Variants in TMEM178B observed in about 807,000 individuals in gnomAD.
TMEM178B encodes the protein transmembrane protein 178B.
Under a neutral mutation model 31.0 loss-of-function variants are expected in TMEM178B, and 5 were observed. The observed-to-expected ratio is 0.16, with a 90% CI of 0.08 to 0.34. The LOEUF (loss-of-function observed/expected upper bound fraction) is 0.34. Ranked by LOEUF, TMEM178B falls within the 10% of genes least tolerant of loss-of-function variation. The pLI is 1.00. For synonymous variants in TMEM178B, 164 were observed against 164.0 expected, an observed-to-expected ratio of 1.00 and a Z score of 0.00; for missense variants, 275 against 400.3, an observed-to-expected ratio of 0.69 and a Z score of 2.67.
chr7:141,439,303 A>G (rs1801613066), intron 3 of TMEM178B, among the ~76,000 whole-genome samples: 1 of 152,134 alleles, frequency 6.6e-6, no homozygotes, highest in Admixed American at 6.5e-5. Context: ...CCCATGCCAG[A>G]GCTGCCTCCT....
At chr7:141,441,913 G>A (rs2116689394) in intron 3 of TMEM178B, among the ~76,000 whole-genome samples, 1 of 152,294 alleles carries the variant, frequency 6.6e-6, no homozygotes, top group South Asian at 2.1e-4. Flanking sequence ...GATTAATTAA[G>A]TAGGGCAGCT....
chr7:141,242,178 A>G (rs1797633606), intron 2 of TMEM178B, among the ~76,000 whole-genome samples: 1 of 150,880 alleles, frequency 6.6e-6, no homozygotes, highest in Non-Finnish European at 1.5e-5. Context: ...TTTGAAGCAG[A>G]TTGACTTTGA....
chr7:141,345,934 G>A (rs1443250103), intron 2 of TMEM178B, among the ~76,000 whole-genome samples: 1 of 152,054 alleles, frequency 6.6e-6, no homozygotes, highest in Non-Finnish European at 1.5e-5. Flanking sequence ...CTTTTGTTTT[G>A]TGGCATATGA....
intron 1 of TMEM178B, among the ~76,000 whole-genome samples, chr7:141,195,421 A>G (rs1796765953): frequency 6.6e-6 from 1 of 152,240 alleles, no homozygotes; most frequent in Non-Finnish European, 1.5e-5. Context: ...AAATTCTGCC[A>G]GTCTCTTTGC....
intron 2 of TMEM178B, among the ~76,000 whole-genome samples, chr7:141,248,117 A>T (rs949780747): frequency 2.6e-5 from 4 of 151,876 alleles, no homozygotes; most frequent in African/African-American, 9.7e-5. Flanking sequence ...TGGCTTAAAG[A>T]TGGGGATACG....
chr7:141,362,727 A>T (rs537248838), intron 2 of TMEM178B, among the ~76,000 whole-genome samples: 2 of 152,320 alleles, frequency 1.3e-5, no homozygotes, highest in Middle Eastern at 3.4e-3. Flanking sequence ...CTGGACATCC[A>T]TGACTAATTG....
intron 2 of TMEM178B, among the ~76,000 whole-genome samples, chr7:141,386,493 G>C (rs895385983): frequency 6.6e-6 from 1 of 152,186 alleles, no homozygotes; most frequent in African/African-American, 2.4e-5. Context: ...TGGACACGCT[G>C]TGTAGTTACA....
rs1402999018 is a variant in TMEM178B, at chr7:141,478,076, A to C, written c.*7290A>C. On this transcript the variant is annotated 3_prime_UTR_variant, in exon 4 of 4. Coordinates refer to ENST00000565468, the MANE Select transcript of TMEM178B (RefSeq NM_001195278.2). Reference sequence around the variant, plus strand: ...AAATGTGGCTTGCAGTGTCAGAAGCAGGGAGTCTGGCCAAGGGTTGCTACC... The same window carrying C: ...AAATGTGGCTTGCAGTGTCAGAAGCCGGGAGTCTGGCCAAGGGTTGCTACC... The C allele has an allele frequency of 6.5e-6, 1 of 152,774 alleles. No homozygotes were observed. The highest frequency in any genetic ancestry group is 1.5e-5 in the Non-Finnish European group (1 of 68,210). The allele number at this position is 152,774 out of a possible 1,614,324, so 9.5% of individuals were successfully genotyped here. A position where few individuals can be genotyped will look rare whatever the true frequency, so the allele number is the denominator to read the frequency against.
intron 1 of TMEM178B, among the ~76,000 whole-genome samples, chr7:141,186,349 A>T (rs1796609534): frequency 6.6e-6 from 1 of 152,130 alleles, no homozygotes; most frequent in African/African-American, 2.4e-5. Context: ...CACAAAGATT[A>T]TGTGAAGTAA....
chr7:141,415,905 G>A (rs1331738425), intron 2 of TMEM178B: 2 of 152,492 alleles, frequency 1.3e-5, no homozygotes, highest in Non-Finnish European at 2.9e-5. Flanking sequence ...GACATAAGAT[G>A]CATAGAAATG....
At chr7:141,349,123 A>G (rs10226813) in intron 2 of TMEM178B, among the ~76,000 whole-genome samples, 26,371 of 152,240 alleles carry the variant, frequency 0.17, 2,441 homozygotes, top group Admixed American at 0.23. Flanking sequence ...ATTGGTTCAT[A>G]AATAAACAAT....
chr7:141,286,651 A>G (rs1317368764), intron 2 of TMEM178B, among the ~76,000 whole-genome samples: 1 of 152,182 alleles, frequency 6.6e-6, no homozygotes, highest in African/African-American at 2.4e-5. Flanking sequence ...TCCACAGACA[A>G]GAGGACCCTA....
intron 2 of TMEM178B, among the ~76,000 whole-genome samples, chr7:141,405,797 C>A (rs1282150869): frequency 1.3e-5 from 2 of 152,204 alleles, no homozygotes; most frequent in East Asian, 3.9e-4. Context: ...CTTGCACTAC[C>A]ATGAAAACCT....
intron 1 of TMEM178B, among the ~76,000 whole-genome samples, chr7:141,079,340 T>C (rs188406969): frequency 7.2e-5 from 11 of 152,276 alleles, no homozygotes; most frequent in African/African-American, 2.6e-4. Context: ...ACATTTCAAA[T>C]GTTCAGTAGC....
chr7:141,260,092 T>G (rs913479685), intron 2 of TMEM178B, among the ~76,000 whole-genome samples: 9 of 152,206 alleles, frequency 5.9e-5, no homozygotes, highest in Admixed American at 2.6e-4. Context: ...TATGTCTAGC[T>G]TGTCTGCCAT....
rs560783526 is a variant in TMEM178B, at chr7:141,422,962, C to T, written c.497-14646C>T. 1.3e-5 allele frequency among the ~76,000 whole-genome samples: 2 copies of T among 152,190 alleles called. No individual in the cohort carries two copies. Among genetic ancestry groups the T allele is most frequent in the South Asian group, 4.1e-4 (2 of 4,824 alleles). On this transcript the variant is annotated intron_variant, in intron 2 of 3. Coordinates refer to ENST00000565468, the MANE Select transcript of TMEM178B (RefSeq NM_001195278.2). The surrounding 1 kb of genome is among the most constrained non-coding windows in gnomAD (Gnocchi z 4.2). ...AGTGCTGTCCCATGGAAATATCGTG[C>T]AAACCGCATGTGTAACTTAAAATGT...
chr7:141,419,199 C>T (rs1029308617), intron 2 of TMEM178B, among the ~76,000 whole-genome samples: 1 of 152,086 alleles, frequency 6.6e-6, no homozygotes, highest in African/African-American at 2.4e-5. Flanking sequence ...CGTGAGGCAC[C>T]GCGGCTGGCC....
chr7:141,090,814 A>T (rs1159535024), intron 1 of TMEM178B, among the ~76,000 whole-genome samples: 1 of 152,184 alleles, frequency 6.6e-6, no homozygotes, highest in Non-Finnish European at 1.5e-5. Context: ...GGTTAACAAT[A>T]TGTGAGAGAG....
chr7:141,215,807 TTTCTTTCTTTCTTTCTTTCTTTCTTTC>T (rs1392156966), intron 2 of TMEM178B, among the ~76,000 whole-genome samples: 21 of 98,476 alleles, frequency 2.1e-4, no homozygotes, highest in Middle Eastern at 5.6e-3. Flanking sequence ...TCTTTCTTTC[TTTCTTTCTTTCTTTCTTTCTTTCTTTC>T]TTTCTTTTCT....
Sources: gnomAD v4.1 joint callset for allele counts (sites outside exome capture counted in the v4.1 genomes callset) on GRCh38, gnomAD v4.1.1 for gene constraint, Gnocchi (gnomAD v3.1) non-coding constraint, MANE v1.5 for transcripts, NCBI Gene and HGNC (gene_info 2026-07-23, HGNC 2026-07-21) for gene names.